The following STIM1 variants were observed in gnomAD, a reference collection of about 807,000 sequenced individuals.
STIM1 encodes the protein stromal interaction molecule 1.
A neutral mutation model predicts 74.7 loss-of-function variants in STIM1; 25 were observed. The observed-to-expected ratio is 0.33, with a 90% CI of 0.24 to 0.47. The LOEUF is 0.47. STIM1 is among the 20% of genes least tolerant of loss of function. The pLI is 1.00. For missense variants in STIM1, 728 were observed against 920.8 expected, an observed-to-expected ratio of 0.79 and a Z score of 2.71; for synonymous variants, 328 against 348.8, an observed-to-expected ratio of 0.94 and a Z score of 0.66.
intron 1 of STIM1, among the ~76,000 whole-genome samples, chr11:3,956,823 CAAAAAAAAAAAA>C (rs78285130): frequency 0.015 from 575 of 38,206 alleles, 7 homozygotes; most frequent in African/African-American, 0.036. Context: ...ACCCTGTCTC[CAAAAAAAAAAAA>C]AAAAAAAAAA....
intron 2 of STIM1, among the ~76,000 whole-genome samples, chr11:3,972,349 T>C (rs2093404192): frequency 6.6e-6 from 1 of 152,240 alleles, no homozygotes; most frequent in African/African-American, 2.4e-5. Context: ...AAGCATGTCT[T>C]CAGGGCCTCT....
intron 1 of STIM1, among the ~76,000 whole-genome samples, chr11:3,893,226 A>T (rs1004436197): frequency 6.6e-6 from 1 of 152,220 alleles, no homozygotes; most frequent in Non-Finnish European, 1.5e-5. Flanking sequence ...TAAGGCTATT[A>T]TGTGTTATTT....
rs184983998 is a variant in STIM1 at position 3,951,348 on chromosome 11, C to T, written c.140-16204C>T. 4.2e-3 allele frequency among the ~76,000 whole-genome samples: 647 copies of T among 152,246 alleles called. 2 individuals carry two copies. The highest frequency in any genetic ancestry group is 0.015 in the African/African-American group (617 of 41,542). Reference sequence around the variant, plus strand: ...TCTCCCAAGAAAAGACAAAGAGGGGCCAGTTATCTTTCTTTTATTGTCTGA... The same window carrying T: ...TCTCCCAAGAAAAGACAAAGAGGGGTCAGTTATCTTTCTTTTATTGTCTGA... On this transcript the variant is annotated intron_variant, in intron 1 of 12. Coordinates refer to ENST00000526596, the MANE Select transcript of STIM1 (RefSeq NM_001382567.1).
intron 2 of STIM1, among the ~76,000 whole-genome samples, chr11:3,997,390 G>A (rs944312571): frequency 2.6e-5 from 4 of 152,178 alleles, no homozygotes; most frequent in East Asian, 1.9e-4. Context: ...GCACAATGGC[G>A]TGCACCTGTA....
intron 3 of STIM1, among the ~76,000 whole-genome samples, chr11:4,038,987 C>T (rs1432541763): frequency 6.6e-6 from 1 of 152,114 alleles, no homozygotes; most frequent in Admixed American, 6.6e-5. Context: ...AAATAGTAAT[C>T]ATGTTATTTT....
intron 2 of STIM1, among the ~76,000 whole-genome samples, chr11:4,015,453 C>G (rs1165553236): frequency 1.3e-5 from 2 of 152,188 alleles, no homozygotes; most frequent in Non-Finnish European, 2.9e-5. Context: ...GTAACCCGAC[C>G]TCTCTCTCTG....
At chr11:3,895,734 CT>C (rs370864245) in intron 1 of STIM1, among the ~76,000 whole-genome samples, 4 of 36,098 alleles carry the variant, frequency 1.1e-4, no homozygotes, top group South Asian at 2.2e-3. Context: ...TTCTTTCTTT[CT>C]TTTTCTTTCT....
At chr11:3,913,353 AT>A (rs60166118) in intron 1 of STIM1, among the ~76,000 whole-genome samples, 8,671 of 145,950 alleles carry the variant, frequency 0.059, 759 homozygotes, top group African/African-American at 0.2. Flanking sequence ...ATGCCTGGCT[AT>A]TTTTTTTTTT....
intron 1 of STIM1, among the ~76,000 whole-genome samples, chr11:3,895,585 G>A (rs1442083457): frequency 7.5e-6 from 1 of 133,474 alleles, no homozygotes; most frequent in Non-Finnish European, 1.6e-5. Context: ...CTGGGTTCCG[G>A]GAATAGTGTT....
At chr11:3,964,381 G>T (rs1380810593) in intron 1 of STIM1, among the ~76,000 whole-genome samples, 1 of 152,172 alleles carries the variant, frequency 6.6e-6, no homozygotes, top group Non-Finnish European at 1.5e-5. Context: ...TTCTGTACAG[G>T]ATTCAACGGC....
chr11:3,892,420 G>T, intron 1 of STIM1: 1 of 1,451,622 alleles, frequency 6.9e-7, no homozygotes. Context: ...CAGCAGTGGT[G>T]ATCTTCTTGC....
chr11:3,865,922 T>G (rs1309309557), intron 1 of STIM1, among the ~76,000 whole-genome samples: 3 of 152,226 alleles, frequency 2.0e-5, no homozygotes, highest in African/African-American at 7.2e-5. Flanking sequence ...GGTCCTGTCA[T>G]GTTTATCAGA....
chr11:3,978,843 C>T (rs139974074), intron 2 of STIM1, among the ~76,000 whole-genome samples: 188 of 152,166 alleles, frequency 1.2e-3, no homozygotes, highest in Non-Finnish European at 2.3e-3. Context: ...AATGCTAGGT[C>T]CTGGGAGGCT....
intron 5 of STIM1, among the ~76,000 whole-genome samples, chr11:4,067,931 A>G (rs2094378662): frequency 6.6e-6 from 1 of 152,234 alleles, no homozygotes; most frequent in Admixed American, 6.5e-5. Context: ...TAGGAACCTT[A>G]AAGAGTAAAT....
rs1038567889 is a variant in STIM1 at position 3,867,729 on chromosome 11, G to A, written c.139+11320G>A. On this transcript the variant is annotated intron_variant, in intron 1 of 12. Transcript: ENST00000526596. The stretch of plus-strand genomic sequence containing the variant: ...ACAAAAGAATAAAAGTAACTGTGCT[G>A]TCAGCACGGCCCAGTAAGGGCTTAT... Among the ~76,000 whole-genome samples, 5 of 152,234 alleles carry A rather than the reference G, an allele frequency of 3.3e-5. No homozygotes were observed. The East Asian group carries it at 9.6e-4, about 29-fold the overall frequency.
At chr11:3,976,484 A>G (rs1376437587) in intron 2 of STIM1, among the ~76,000 whole-genome samples, 1 of 152,224 alleles carries the variant, frequency 6.6e-6, no homozygotes. Flanking sequence ...ACATGAATCT[A>G]TTAATAAATA....
intron 1 of STIM1, among the ~76,000 whole-genome samples, chr11:3,951,211 A>G (rs1453868625): frequency 6.6e-6 from 1 of 152,208 alleles, no homozygotes; most frequent in East Asian, 1.9e-4. Context: ...CAGCTGAGAA[A>G]GGCATCCTGT....
chr11:3,892,388 C>T, intron 1 of STIM1: 2 of 1,414,608 alleles, frequency 1.4e-6, no homozygotes, highest in Non-Finnish European at 2.0e-6. Context: ...ACAAGTCAAA[C>T]TTATTAAGAG....
intron 5 of STIM1, among the ~76,000 whole-genome samples, chr11:4,064,949 A>G (rs1041828427): frequency 6.6e-6 from 1 of 152,248 alleles, no homozygotes; most frequent in African/African-American, 2.4e-5. Context: ...GAAACAAGAT[A>G]TAATAAAGAG....
Sources: gnomAD v4.1 joint callset for allele counts (sites outside exome capture counted in the v4.1 genomes callset) on GRCh38, gnomAD v4.1.1 for gene constraint, MANE v1.5 for transcripts, NCBI Gene and HGNC (gene_info 2026-07-23, HGNC 2026-07-21) for gene names.